The following PCDH9 variants were observed in gnomAD, a reference collection of about 807,000 sequenced individuals.
The protein encoded by PCDH9 is protocadherin-9.
In PCDH9, 24 loss-of-function variants were observed where a neutral mutation model predicts 70.6. That is an observed-to-expected ratio of 0.34 (90% CI 0.25 to 0.48). PCDH9 has a LOEUF of 0.48. Among genes scored for constraint, PCDH9 ranks in the 20% least tolerant of loss-of-function variants. PCDH9 has a pLI of 0.99. For synonymous variants in PCDH9, 562 were observed against 558.5 expected (o/e 1.01, Z -0.09); for missense variants, 1,281 against 1,503.6 (o/e 0.85, Z 2.45).
intron 2 of PCDH9, among the ~76,000 whole-genome samples, chr13:67,154,127 A>G (rs1229758735): frequency 6.6e-6 from 1 of 152,198 alleles, no homozygotes; most frequent in Non-Finnish European, 1.5e-5. Flanking sequence ...CATGTATATA[A>G]GATAATTAAG....
intron 2 of PCDH9, among the ~76,000 whole-genome samples, chr13:67,061,915 G>T (rs1276208389): frequency 6.6e-6 from 1 of 152,154 alleles, no homozygotes; most frequent in African/African-American, 2.4e-5. Context: ...TCCTGCCAAG[G>T]AGTGCCTGAA....
intron 4 of PCDH9, among the ~76,000 whole-genome samples, chr13:66,325,810 G>GA (rs1386211314): frequency 6.6e-6 from 1 of 150,840 alleles, no homozygotes; most frequent in African/African-American, 2.5e-5. Flanking sequence ...ATGATACTCA[G>GA]AAAAAATAGT....
chr13:66,536,219 G>T (rs769161995), intron 4 of PCDH9, among the ~76,000 whole-genome samples: 9 of 151,956 alleles, frequency 5.9e-5, no homozygotes, highest in Non-Finnish European at 1.3e-4. Flanking sequence ...TTTATAAGGC[G>T]AGTTATTTAA....
chr13:66,955,969 G>A (rs1472235392), intron 2 of PCDH9, among the ~76,000 whole-genome samples: 1 of 152,148 alleles, frequency 6.6e-6, no homozygotes, highest in Non-Finnish European at 1.5e-5. Flanking sequence ...AGATGTGGTG[G>A]CCAGTGCCTG....
At chr13:67,214,823 G>A (rs1037941993) in intron 2 of PCDH9, 23 of 150,848 alleles carry the variant, frequency 1.5e-4, no homozygotes, top group African/African-American at 5.1e-4. Context: ...ACAAAATCAA[G>A]AAAGCATTCA....
intron 2 of PCDH9, among the ~76,000 whole-genome samples, chr13:67,087,964 A>G (rs1799615971): frequency 6.6e-6 from 1 of 152,082 alleles, no homozygotes; most frequent in Non-Finnish European, 1.5e-5. Context: ...GTTAAATTGC[A>G]AGCCAAGACT....
intron 2 of PCDH9, among the ~76,000 whole-genome samples, chr13:67,026,666 CA>C (rs2084788819): frequency 6.6e-6 from 1 of 151,928 alleles, no homozygotes; most frequent in Non-Finnish European, 1.5e-5. Context: ...TAGAAAAACC[CA>C]TTGTCTCAGC....
At chr13:66,754,072 A>T (rs2079502378) in intron 3 of PCDH9, among the ~76,000 whole-genome samples, 3 of 152,072 alleles carry the variant, frequency 2.0e-5, no homozygotes, top group African/African-American at 7.2e-5. Context: ...TTATTTCATT[A>T]AATTATTTCT....
At chr13:66,682,393 TATCTATC>T (rs1055139368) in intron 3 of PCDH9, among the ~76,000 whole-genome samples, 5 of 106,076 alleles carry the variant, frequency 4.7e-5, no homozygotes, top group Admixed American at 1.1e-4. Context: ...TCTATCTATC[TATCTATC>T]ATCTATCATC....
intron 4 of PCDH9, among the ~76,000 whole-genome samples, chr13:66,368,517 T>A (rs1315657675): frequency 6.6e-6 from 1 of 151,826 alleles, no homozygotes. Context: ...TGAAAAAAAA[T>A]TAAATATTAT....
rs554157232 is a variant in PCDH9 at position 66,801,328 on chromosome 13, A to G, written c.3138+102176T>C. 5.9e-5 allele frequency among the ~76,000 whole-genome samples: 9 copies of G among 152,258 alleles called. No homozygotes were observed. The South Asian group carries it at 1.9e-3, about 32-fold the overall frequency. The stretch of plus-strand genomic sequence containing the variant: ...GACCAATAGAAAATAAGGTTACCTT[A>G]ACTTCCTTTTTTCCTGTGTGTTCTA... On this transcript the variant is annotated intron_variant, in intron 3 of 4. Transcript: ENST00000377865.
At chr13:66,439,544 T>C (rs1289517905) in intron 4 of PCDH9, among the ~76,000 whole-genome samples, 1 of 152,198 alleles carries the variant, frequency 6.6e-6, no homozygotes, top group South Asian at 2.1e-4. Flanking sequence ...ATATGTCATG[T>C]ACACAAATGC....
intron 2 of PCDH9, among the ~76,000 whole-genome samples, chr13:67,026,341 A>G (rs562158155): frequency 1.3e-5 from 2 of 152,278 alleles, no homozygotes; most frequent in South Asian, 2.1e-4. Flanking sequence ...CTTTGGTACC[A>G]GGATGATGAC....
chr13:66,471,741 A>G (rs1270466183), intron 4 of PCDH9, among the ~76,000 whole-genome samples: 1 of 152,200 alleles, frequency 6.6e-6, no homozygotes, highest in Admixed American at 6.5e-5. Flanking sequence ...GAACAGAGTT[A>G]TAATTTGAAC....
chr13:66,321,386 A>G (rs1955750036), intron 4 of PCDH9, among the ~76,000 whole-genome samples: 1 of 152,082 alleles, frequency 6.6e-6, no homozygotes, highest in African/African-American at 2.4e-5. Context: ...CATTTTCCTC[A>G]TATAAAGATG....
At position 66,557,066 on chromosome 13, in the gene PCDH9, G is replaced by T. The variant is rs555869951; in HGVS notation, c.3340+74144C>A. ...ATTTTGCTTTACAAATTACAAAGGA[G>T]CTCATCAATAAGATTATGAAGGAGA... On this transcript the variant is annotated intron_variant, in intron 4 of 4. Coordinates refer to ENST00000377865, the MANE Select transcript of PCDH9 (RefSeq NM_203487.3). Among the ~76,000 whole-genome samples the T allele has an allele frequency of 6.6e-5, 10 of 152,266 alleles. 1 individual carries two copies. In the South Asian group the frequency reaches 2.1e-3, roughly 32 times the overall value.
At chr13:66,858,439 C>T (rs139520528) in intron 3 of PCDH9, among the ~76,000 whole-genome samples, 1 of 152,200 alleles carries the variant, frequency 6.6e-6, no homozygotes, top group East Asian at 1.9e-4. Context: ...TTTTCAAATC[C>T]ATCTTGTGCC....
chr13:66,814,071 C>T (rs79701967), intron 3 of PCDH9, among the ~76,000 whole-genome samples: 112 of 152,214 alleles, frequency 7.4e-4, no homozygotes, highest in African/African-American at 2.5e-3. Flanking sequence ...TTAGCTTATC[C>T]ACTGGGGACA....
At chr13:66,884,515 G>T (rs1184592639) in intron 3 of PCDH9, among the ~76,000 whole-genome samples, 5 of 152,088 alleles carry the variant, frequency 3.3e-5, no homozygotes, top group African/African-American at 1.2e-4. Context: ...CTGAGTTGGT[G>T]GTGGTGATGT....
Sources: gnomAD v4.1 joint callset for allele counts (sites outside exome capture counted in the v4.1 genomes callset) on GRCh38, gnomAD v4.1.1 for gene constraint, MANE v1.5 for transcripts, NCBI Gene and HGNC (gene_info 2026-07-23, HGNC 2026-07-21) for gene names.